The following USP37 variants were observed in gnomAD, a reference collection of about 807,000 sequenced individuals.
USP37 encodes the protein ubiquitin carboxyl-terminal hydrolase 37.
USP37 carries 27 observed loss-of-function variants against 124.0 expected under a neutral mutation model. That is an observed-to-expected ratio of 0.22 (90% CI 0.16 to 0.30). USP37 has a LOEUF of 0.30. Ranked by LOEUF, USP37 falls within the 10% of genes least tolerant of loss-of-function variation. The pLI is 1.00. For synonymous variants in USP37, 365 were observed against 388.0 expected, an observed-to-expected ratio of 0.94 and a Z score of 0.70; for missense variants, 889 against 1,140.4, an observed-to-expected ratio of 0.78 and a Z score of 3.17.
At chr2:218,509,527 C>G (rs485975) in intron 11 of USP37, among the ~76,000 whole-genome samples, 1 of 151,718 alleles carries the variant, frequency 6.6e-6, no homozygotes, top group Non-Finnish European at 1.5e-5. Flanking sequence ...GGAGGGAGGA[C>G]TGCTTGAGGC....
At chr2:218,482,536 T>C (rs772384927) in intron 16 of USP37, among the ~76,000 whole-genome samples, 1 of 152,196 alleles carries the variant, frequency 6.6e-6, no homozygotes, top group Non-Finnish European at 1.5e-5. Context: ...TGATATTGGG[T>C]TAAATCCTTA....
At chr2:218,501,464 G>C (rs1371266141) in intron 11 of USP37, among the ~76,000 whole-genome samples, 1 of 152,124 alleles carries the variant, frequency 6.6e-6, no homozygotes, top group Non-Finnish European at 1.5e-5. Context: ...GAGGAAGTTT[G>C]AGAGTCTGGA....
chr2:218,517,142 T>G (rs1055596321), intron 10 of USP37, among the ~76,000 whole-genome samples: 3 of 152,240 alleles, frequency 2.0e-5, no homozygotes, highest in Non-Finnish European at 2.9e-5. Context: ...AAGTCTAATG[T>G]AGCTGACTCT....
At chr2:218,463,530 CTTTTT>C in intron 21 of USP37, among the ~76,000 whole-genome samples, 164 bp from the exon 22 acceptor site, 1 of 99,092 alleles carries the variant, frequency 1.0e-5, no homozygotes, top group South Asian at 3.1e-4. Context: ...AAGTTCTTTA[CTTTTT>C]TTTTTTTTTT....
At chr2:218,484,576 C>T (rs1014673072) in intron 16 of USP37, among the ~76,000 whole-genome samples, 1 of 151,386 alleles carries the variant, frequency 6.6e-6, no homozygotes, top group Non-Finnish European at 1.5e-5. Context: ...GAGCTGAGAT[C>T]GTGCCACTGC....
intron 10 of USP37, among the ~76,000 whole-genome samples, chr2:218,520,363 T>TC (rs1328202328): frequency 6.0e-5 from 9 of 150,086 alleles, no homozygotes; most frequent in African/African-American, 2.0e-4. Flanking sequence ...TTTTTTTTTT[T>TC]CCAGAGACAG....
intron 18 of USP37, among the ~76,000 whole-genome samples, chr2:218,478,572 C>A: frequency 6.6e-6 from 1 of 152,300 alleles, no homozygotes; most frequent in Middle Eastern, 3.4e-3. Context: ...TTCATACCAG[C>A]AGACCCTGGA....
At chr2:218,480,251 T>A (rs1466793572) in intron 17 of USP37, among the ~76,000 whole-genome samples, 1 of 150,558 alleles carries the variant, frequency 6.6e-6, no homozygotes, top group Non-Finnish European at 1.5e-5. Flanking sequence ...ATACAAAAAA[T>A]CAGCCGGGCA....
At chr2:218,488,491 C>T (rs935724569) in intron 14 of USP37, 70 bp from the exon 15 acceptor site, 2 of 982,186 alleles carry the variant, frequency 2.0e-6, no homozygotes, top group African/African-American at 3.3e-5. Context: ...ACCTGAGAAA[C>T]TCTGTTCTTC....
chr2:218,482,656 A>G (rs1475422155), intron 16 of USP37, among the ~76,000 whole-genome samples: 1 of 152,220 alleles, frequency 6.6e-6, no homozygotes, highest in African/African-American at 2.4e-5. Flanking sequence ...TTTGATGGTA[A>G]ACATTAATTA....
rs114092169 is a variant in USP37 at position 218,498,012 on chromosome 2, T to C, written c.1157+14A>G. On this transcript the variant is annotated intron_variant, in intron 12 of 25. Transcript: ENST00000258399. The stretch of plus-strand genomic sequence containing the variant: ...GTAAAAGGTTACTCAGTAAGTACAG[T>C]ACATAATGATTACCTGATAAGTGCA... The C allele has an allele frequency of 0.021, 33,831 of 1,597,324 alleles. 564 individuals are homozygous for C. Among genetic ancestry groups the C allele is most frequent in the Non-Finnish European group, 0.023 (27,555 of 1,173,940 alleles).
Position 218,497,861 on chromosome 2 carries a change from G to A in USP37, c.1158-4C>T. On this transcript the variant is annotated splice_polypyrimidine_tract_variant and splice_region_variant and intron_variant, in intron 12 of 25. Coordinates refer to ENST00000258399, the MANE Select transcript of USP37 (RefSeq NM_020935.3). ...AACAAGCAAGTGTGCAAAGCGTCTA[G>A]TAAAACAAAAAACACAAAGTTAGCA... 1 of 1,611,220 alleles carries A rather than the reference G, an allele frequency of 6.2e-7. No homozygotes were observed. The highest frequency in any genetic ancestry group is 1.1e-5 in the South Asian group (1 of 90,426).
At chr2:218,547,327 T>A (rs1480998067) in intron 6 of USP37, among the ~76,000 whole-genome samples, 3 of 151,936 alleles carry the variant, frequency 2.0e-5, no homozygotes, top group Non-Finnish European at 4.4e-5. Context: ...AGACCCTATC[T>A]CTAAAAAAAG....
At chr2:218,466,419 C>T (rs1208408249) in intron 20 of USP37, among the ~76,000 whole-genome samples, 1 of 151,998 alleles carries the variant, frequency 6.6e-6, no homozygotes. Flanking sequence ...CATTGTAGAA[C>T]GTTTAGCAGT....
In USP37 at chr2:218,488,421, T is replaced by A. The variant is rs1691713480; in HGVS notation, c.1473A>T (p.Ala491=). ...CTCTTTTGGGGATAATCTCTCCACATCTGTAAGAATAAAATGAGACATGTA... is the reference window on the plus strand; with the variant it reads ...CTCTTTTGGGGATAATCTCTCCACAACTGTAAGAATAAAATGAGACATGTA... ...FEVQHSIICK[A]CGEIIPKREQ... Residue 491 remains alanine (A), a splice_region_variant and synonymous_variant, in exon 15 of 26, where the codon GCA becomes GCT. Transcript: ENST00000258399. The A allele has an allele frequency of 6.3e-7, 1 of 1,574,890 alleles. No individual in the cohort carries two copies. Among genetic ancestry groups the A allele is most frequent in the Non-Finnish European group, 8.6e-7 (1 of 1,156,428 alleles).
intron 11 of USP37, among the ~76,000 whole-genome samples, chr2:218,509,297 T>C (rs1186459805): frequency 6.6e-6 from 1 of 152,190 alleles, no homozygotes; most frequent in African/African-American, 2.4e-5. Flanking sequence ...CTATATCACT[T>C]TGAGCAAGTT....
intron 19 of USP37, among the ~76,000 whole-genome samples, chr2:218,475,521 G>T (rs1001539158): frequency 6.6e-6 from 1 of 152,154 alleles, no homozygotes; most frequent in African/African-American, 2.4e-5. Context: ...GATCACTTGA[G>T]GCCAGGAGTT....
At chr2:218,489,511 TG>T (rs1691795882) in intron 14 of USP37, among the ~76,000 whole-genome samples, 1 of 152,134 alleles carries the variant, frequency 6.6e-6, no homozygotes, top group Non-Finnish European at 1.5e-5. Context: ...GGCGGAGTTC[TG>T]CTTTTGTTGC....
chr2:218,479,764 GAT>G (rs746806558), intron 17 of USP37, 49 bp from the exon 18 acceptor site: 1 of 1,059,006 alleles, frequency 9.4e-7, no homozygotes, highest in African/African-American at 1.7e-5. Context: ...AATTATTAAA[GAT>G]ATATATTTAA....
Sources: allele counts gnomAD v4.1 joint callset (sites outside exome capture counted in the v4.1 genomes callset), GRCh38; gene constraint gnomAD v4.1.1; transcripts MANE v1.5; gene names NCBI Gene and HGNC (gene_info 2026-07-23, HGNC 2026-07-21).